The following NAV2 variants were observed in gnomAD, a reference collection of about 807,000 sequenced individuals.
NAV2 encodes neuron navigator 2.
NAV2 carries 54 observed loss-of-function variants against 223.2 expected under a neutral mutation model. The ratio of observed to expected loss-of-function variants is 0.24; its 90% CI spans 0.19 to 0.30. The LOEUF is 0.30. Ranked by LOEUF, NAV2 falls within the 10% of genes least tolerant of loss-of-function variation. The pLI is 1.00. For missense variants in NAV2, 2,806 were observed against 3,147.5 expected (o/e 0.89, Z 2.60); for synonymous variants, 1,279 against 1,239.3 (o/e 1.03, Z -0.67).
intron 11 of NAV2, among the ~76,000 whole-genome samples, chr11:20,008,468 G>A (rs1435799053): frequency 6.6e-6 from 1 of 152,142 alleles, no homozygotes; most frequent in Non-Finnish European, 1.5e-5. Flanking sequence ...AACTTCCAGA[G>A]AGCTTTTCCT....
chr11:19,359,267 C>T (rs1037634129), intron 1 of NAV2, among the ~76,000 whole-genome samples: 6 of 152,286 alleles, frequency 3.9e-5, no homozygotes, highest in Middle Eastern at 6.8e-3. Flanking sequence ...AGTCTTTATG[C>T]GTGTGGGGAT....
intron 22 of NAV2, among the ~76,000 whole-genome samples, chr11:20,070,478 CTCTGTT>C (rs2059331648): frequency 6.6e-6 from 1 of 152,332 alleles, no homozygotes; most frequent in East Asian, 1.9e-4. Context: ...GAACTCTGCT[CTCTGTT>C]CTAGAAGAGT....
chr11:19,729,428 C>T (rs2051544072), intron 1 of NAV2, among the ~76,000 whole-genome samples: 1 of 152,166 alleles, frequency 6.6e-6, no homozygotes, highest in African/African-American at 2.4e-5. Context: ...GAATGTCAGC[C>T]ACTAGGAAGG....
chr11:19,496,107 G>A (rs1239352491), intron 1 of NAV2, among the ~76,000 whole-genome samples: 2 of 152,144 alleles, frequency 1.3e-5, no homozygotes, highest in East Asian at 3.9e-4. Flanking sequence ...GAGTGAAAAT[G>A]GGGGCTCTAG....
At position 20,045,368 on chromosome 11, in the gene NAV2, C is replaced by T; in HGVS notation, c.3600C>T (p.Asn1200=). ...GTTTGCCGAGGCCCAGTAAGTCCAA[C>T]AGCCGGAACGGGGCTGGGAACAGGT... ...YRSLPRPSKS[N]SRNGAGNRSS... The change falls in exon 14 of 38, where the codon AAC becomes AAT. Residue 1200 remains asparagine, a synonymous_variant. Transcript: ENST00000349880. 1 of 1,614,156 alleles carries T rather than the reference C, an allele frequency of 6.2e-7. No homozygotes were observed. Among genetic ancestry groups the T allele is most frequent in the Non-Finnish European group, 8.5e-7 (1 of 1,180,026 alleles).
chr11:19,751,076 A>G (rs2053768178), intron 1 of NAV2, among the ~76,000 whole-genome samples: 1 of 152,194 alleles, frequency 6.6e-6, no homozygotes, highest in Admixed American at 6.5e-5. Flanking sequence ...AAAATAGACT[A>G]TAGCAAGAGT....
At chr11:20,044,295 G>T in intron 13 of NAV2, 23 bp downstream of exon 13, 1 of 1,581,390 alleles carries the variant, frequency 6.3e-7, no homozygotes, top group Admixed American at 1.8e-5. Context: ...GGCTGTCTTG[G>T]CCCTACAGTT....
chr11:20,065,143 G>T (rs1284702222), intron 20 of NAV2, among the ~76,000 whole-genome samples: 1 of 152,192 alleles, frequency 6.6e-6, no homozygotes, highest in Non-Finnish European at 1.5e-5. Flanking sequence ...ACTGAGGTGT[G>T]GTCCTTTATC....
At chr11:19,524,822 C>G (rs772899310) in intron 1 of NAV2, among the ~76,000 whole-genome samples, 3 of 152,192 alleles carry the variant, frequency 2.0e-5, no homozygotes, top group Non-Finnish European at 4.4e-5. Flanking sequence ...TAATTCTTTA[C>G]AAGCTTCTAG....
chr11:19,868,504 C>T (rs948632370), intron 3 of NAV2, among the ~76,000 whole-genome samples: 4 of 152,178 alleles, frequency 2.6e-5, no homozygotes, highest in African/African-American at 7.2e-5. Flanking sequence ...CAGATTCCTG[C>T]GAAAACTCCC....
At chr11:19,755,584 C>G (rs899709209) in intron 1 of NAV2, among the ~76,000 whole-genome samples, 1 of 152,218 alleles carries the variant, frequency 6.6e-6, no homozygotes, top group Non-Finnish European at 1.5e-5. Flanking sequence ...TCGCTCTATG[C>G]TTCTCTCTTA....
chr11:19,870,920 G>A (rs1565466608), intron 4 of NAV2, among the ~76,000 whole-genome samples: 1 of 152,104 alleles, frequency 6.6e-6, no homozygotes, highest in African/African-American at 2.4e-5. Context: ...AAGAAATGAG[G>A]TTTAAACTCT....
At chr11:19,378,526 C>G (rs893410015) in intron 1 of NAV2, among the ~76,000 whole-genome samples, 6 of 148,122 alleles carry the variant, frequency 4.1e-5, no homozygotes, top group African/African-American at 7.4e-5. Context: ...TAATAAAGAG[C>G]GGCGCCTCAC....
intron 31 of NAV2, 149 bp from the exon 32 acceptor site, chr11:20,100,788 C>T (rs2061587252): frequency 1.6e-6 from 1 of 637,494 alleles, no homozygotes; most frequent in Non-Finnish European, 2.8e-6. Flanking sequence ...TGCTCTCAGC[C>T]TCCAGTGTTC....
chr11:20,009,608 T>C (rs2030080152), intron 11 of NAV2, among the ~76,000 whole-genome samples: 1 of 152,212 alleles, frequency 6.6e-6, no homozygotes, highest in South Asian at 2.1e-4. Flanking sequence ...CTGCTACCCA[T>C]GGCTTTTCCA....
intron 1 of NAV2, among the ~76,000 whole-genome samples, chr11:19,714,998 G>A (rs1175463786): frequency 6.6e-6 from 1 of 152,132 alleles, no homozygotes; most frequent in Non-Finnish European, 1.5e-5. Flanking sequence ...CTGGTGTCAG[G>A]AAAATGGCAA....
rs183533291 is a variant in NAV2, at chr11:19,521,812, C to T, written c.75+170785C>T. 5.9e-5 allele frequency among the ~76,000 whole-genome samples: 9 copies of T among 152,292 alleles called. No individual in the cohort carries two copies. In the East Asian group the frequency reaches 1.7e-3, roughly 29 times the overall value. ...CGGTCGCTCCAGCAGAAATGCAAAC[C>T]CAGGACTGTCCCTCTGCATGGCTCT... On this transcript the variant is annotated intron_variant, in intron 1 of 37. Transcript: ENST00000360655.
intron 11 of NAV2, among the ~76,000 whole-genome samples, chr11:20,034,681 C>T (rs946965351): frequency 6.6e-6 from 1 of 152,146 alleles, no homozygotes; most frequent in Admixed American, 6.5e-5. Context: ...TGTGCCCAGC[C>T]CTCGATTAGC....
At chr11:19,867,832 A>G (rs2062191153) in intron 3 of NAV2, among the ~76,000 whole-genome samples, 1 of 152,202 alleles carries the variant, frequency 6.6e-6, no homozygotes, top group Non-Finnish European at 1.5e-5. Flanking sequence ...CCAAATGTCA[A>G]TAGGTGGGTG....
Sources: allele counts gnomAD v4.1 joint callset (sites outside exome capture counted in the v4.1 genomes callset), GRCh38; gene constraint gnomAD v4.1.1; transcripts MANE v1.5; gene names NCBI Gene and HGNC (gene_info 2026-07-23, HGNC 2026-07-21).